GPHN: variants seen among roughly 807,000 people sequenced by gnomAD.
GPHN encodes the protein gephyrin.
GPHN carries 17 observed loss-of-function variants against 95.5 expected under a neutral mutation model. The observed-to-expected ratio is 0.18, with a 90% CI of 0.12 to 0.27. The LOEUF (loss-of-function observed/expected upper bound fraction) is 0.27. Ranked by LOEUF, GPHN falls within the 10% of genes least tolerant of loss-of-function variation. GPHN has a pLI of 1.00. For synonymous variants in GPHN, 320 were observed against 322.5 expected (o/e 0.99, Z 0.08); for missense variants, 660 against 978.1 (o/e 0.67, Z 4.34).
chr14:67,371,038 A>G, the GPHN span, among the ~76,000 whole-genome samples: 1 of 151,852 alleles, frequency 6.6e-6, no homozygotes, highest in Non-Finnish European at 1.5e-5. Context: ...AAAAAGGAAA[A>G]CTCTAGGCCA....
the GPHN span, chr14:67,392,188 C>T: frequency 2.7e-5 from 18 of 663,420 alleles, no homozygotes; most frequent in Admixed American, 2.0e-4. Context: ...GAGGCTGGTG[C>T]TGGGCTCTTG....
the GPHN span, among the ~76,000 whole-genome samples, chr14:67,452,612 T>C: frequency 6.6e-6 from 1 of 152,144 alleles, no homozygotes; most frequent in Non-Finnish European, 1.5e-5. Context: ...CCAGGTTTTA[T>C]AGGAAGCAGG....
intron 1 of GPHN, among the ~76,000 whole-genome samples, chr14:66,614,919 A>G (rs185431178): frequency 1.8e-4 from 27 of 152,196 alleles, no homozygotes; most frequent in African/African-American, 6.0e-4. Flanking sequence ...CTCTGGGTCC[A>G]TGTGTTCTCA....
the GPHN span, among the ~76,000 whole-genome samples, chr14:67,463,758 C>T: frequency 6.6e-6 from 1 of 152,004 alleles, no homozygotes; most frequent in Non-Finnish European, 1.5e-5. Flanking sequence ...CTAGAATGTG[C>T]TCCCAGTGAA....
intron 13 of GPHN, among the ~76,000 whole-genome samples, chr14:67,102,226 A>C (rs1168662129): frequency 6.6e-6 from 1 of 152,102 alleles, no homozygotes; most frequent in Non-Finnish European, 1.5e-5. Context: ...TGAGTTACGA[A>C]GGTTGATCAA....
the GPHN span, among the ~76,000 whole-genome samples, chr14:67,232,851 C>T: frequency 6.6e-6 from 1 of 152,136 alleles, no homozygotes; most frequent in African/African-American, 2.4e-5. Context: ...GCTGTTCTGC[C>T]TTCCTGCATT....
chr14:66,710,536 G>T (rs1158416828), intron 2 of GPHN, among the ~76,000 whole-genome samples: 1 of 152,042 alleles, frequency 6.6e-6, no homozygotes, highest in African/African-American at 2.4e-5. Context: ...TTATTTCTCT[G>T]CATGTTTATT....
chr14:67,023,941 T>C (rs1189868555), intron 10 of GPHN, among the ~76,000 whole-genome samples: 1 of 152,122 alleles, frequency 6.6e-6, no homozygotes, highest in East Asian at 1.9e-4. Context: ...TCTGAACCTC[T>C]CTTTAATTGT....
chr14:67,387,188 G>A, the GPHN span: 11 of 736,818 alleles, frequency 1.5e-5, no homozygotes, highest in Admixed American at 9.5e-5. Flanking sequence ...TTTGTAATCT[G>A]AGGAACTCTT....
At chr14:67,462,674 G>A in the GPHN span, among the ~76,000 whole-genome samples, 2 of 152,202 alleles carry the variant, frequency 1.3e-5, no homozygotes, top group South Asian at 2.1e-4. Context: ...AGCTGTGAGG[G>A]GCACCTCGTG....
intron 18 of GPHN, among the ~76,000 whole-genome samples, chr14:67,148,602 C>T (rs556923472): frequency 6.8e-6 from 1 of 147,974 alleles, no homozygotes; most frequent in East Asian, 2.0e-4. Flanking sequence ...GCTCTGTCAC[C>T]CAGGCTGGAG....
chr14:67,485,984 G>T, the GPHN span, among the ~76,000 whole-genome samples: 4 of 152,380 alleles, frequency 2.6e-5, no homozygotes, highest in East Asian at 3.9e-4. Flanking sequence ...AGCAGCACAT[G>T]CATTGCTCAT....
At chr14:67,542,689 T>C in the GPHN span, among the ~76,000 whole-genome samples, 1 of 152,100 alleles carries the variant, frequency 6.6e-6, no homozygotes, top group Non-Finnish European at 1.5e-5. Context: ...TTTTATTTTA[T>C]TTTATTTTAT....
intron 4 of GPHN, among the ~76,000 whole-genome samples, chr14:66,857,597 A>G (rs140310264): frequency 5.3e-4 from 81 of 152,276 alleles, no homozygotes; most frequent in Middle Eastern, 3.4e-3. Context: ...GAGTAAAGCA[A>G]GTTGGCCAAA....
At chr14:67,543,002 C>T in the GPHN span, among the ~76,000 whole-genome samples, 1 of 152,202 alleles carries the variant, frequency 6.6e-6, no homozygotes, top group Non-Finnish European at 1.5e-5. Context: ...TGAGCCACTG[C>T]GCTCAGCTGG....
chr14:67,124,458 A>G (rs1019832860), intron 17 of GPHN, among the ~76,000 whole-genome samples: 8 of 152,130 alleles, frequency 5.3e-5, no homozygotes, highest in Admixed American at 2.0e-4. Flanking sequence ...GAAAGGGGGG[A>G]AAAAGCCAGT....
chr14:66,633,034 A>G (rs368574324), intron 1 of GPHN, among the ~76,000 whole-genome samples: 2 of 152,110 alleles, frequency 1.3e-5, no homozygotes, highest in South Asian at 2.1e-4. Flanking sequence ...GAAGTGTACA[A>G]TGTTTCTTGC....
intron 3 of GPHN, among the ~76,000 whole-genome samples, chr14:66,785,126 G>T (rs1243929055): frequency 1.3e-5 from 2 of 152,188 alleles, no homozygotes; most frequent in Non-Finnish European, 2.9e-5. Context: ...CCAGCCTTTG[G>T]GGAGGTCGAA....
At chr14:66,598,356 G>A (rs1427466857) in intron 1 of GPHN, among the ~76,000 whole-genome samples, 3 of 151,514 alleles carry the variant, frequency 2.0e-5, no homozygotes, top group South Asian at 2.1e-4. Context: ...AGGTATCAAA[G>A]CATCATGTTT....
Sources: allele counts gnomAD v4.1 joint callset (sites outside exome capture counted in the v4.1 genomes callset), GRCh38; gene constraint gnomAD v4.1.1; transcripts MANE v1.5; gene names NCBI Gene and HGNC (gene_info 2026-07-23, HGNC 2026-07-21).